TTN: variants seen among roughly 807,000 people sequenced by gnomAD.
The protein encoded by TTN is connectin.
A neutral mutation model predicts 3,223.0 loss-of-function variants in TTN; 1,525 were observed. That is an observed-to-expected ratio of 0.47 (90% CI 0.45 to 0.49). The LOEUF (loss-of-function observed/expected upper bound fraction) is 0.49, where lower values mean the gene tolerates loss of function less well. Among genes scored for constraint, TTN ranks in the 20% least tolerant of loss-of-function variants. The pLI, the probability that TTN is intolerant of heterozygous loss-of-function variation, is 0.00. For synonymous variants in TTN, 14,094 were observed against 15,161.0 expected (o/e 0.93, Z 5.17); for missense variants, 40,786 against 43,424.0 (o/e 0.94, Z 5.40).
intron 46 of TTN, among the ~76,000 whole-genome samples, chr2:178,755,413 T>C (rs1465611414): frequency 1.3e-5 from 2 of 152,098 alleles, no homozygotes; most frequent in Non-Finnish European, 2.9e-5. Flanking sequence ...AGCTTTGTTA[T>C]TTTCAGTGCC....
intron 264 of TTN, 23 bp downstream of exon 264, chr2:178,613,138 C>T: frequency 6.2e-7 from 1 of 1,607,016 alleles, no homozygotes; most frequent in Non-Finnish European, 8.5e-7. Context: ...TCGAAATAAC[C>T]ACAAAAATTA....
At chr2:178,536,617 G>T in intron 356 of TTN, 42 bp from the exon 357 acceptor site, 1 of 1,438,372 alleles carries the variant, frequency 7.0e-7, no homozygotes, top group Non-Finnish European at 9.2e-7. Flanking sequence ...GATGAAACAG[G>T]CAGCTTTATT....
intron 41 of TTN, among the ~76,000 whole-genome samples, chr2:178,765,022 G>A (rs1327362348): frequency 6.6e-6 from 1 of 152,188 alleles, no homozygotes; most frequent in Non-Finnish European, 1.5e-5. Flanking sequence ...AGAGGGAATA[G>A]CTTCAGAAAG....
rs1371891927 is a variant in TTN, at chr2:178,530,313, G to C, written c.106302C>G (p.Asp35434Glu). The C allele has an allele frequency of 6.2e-7, 1 of 1,613,774 alleles. No homozygotes were observed. The highest frequency in any genetic ancestry group is 1.3e-5 in the African/African-American group (1 of 74,916). ...CCTTAACTGCAAATTTAGCAACACTGTCTGAAGAAACAGTTGTATCCTGCA... is the reference window on the plus strand; with the variant it reads ...CCTTAACTGCAAATTTAGCAACACTCTCTGAAGAAACAGTTGTATCCTGCA... ...TGLQDTTVSS[D>E]SVAKFAVKAT... The change falls in exon 358 of 363, where the codon GAC becomes GAG. Residue 35434 changes from aspartate to glutamate, a missense_variant. Coordinates refer to ENST00000589042, the MANE Select transcript of TTN (RefSeq NM_001267550.2).
intron 350 of TTN, among the ~76,000 whole-genome samples, chr2:178,540,719 C>T (rs1694013406): frequency 6.6e-6 from 1 of 152,068 alleles, no homozygotes; most frequent in Non-Finnish European, 1.5e-5. Context: ...TTGCTTGAAC[C>T]TGGGAGACAG....
chr2:178,704,990 C>A, intron 103 of TTN, 24 bp from the exon 104 acceptor site: 2 of 1,609,600 alleles, frequency 1.2e-6, no homozygotes. Flanking sequence ...AAATGATAGG[C>A]ATTACAGATG....
intron 47 of TTN, among the ~76,000 whole-genome samples, chr2:178,752,312 C>T (rs1185165751): frequency 6.6e-6 from 1 of 151,972 alleles, no homozygotes; most frequent in African/African-American, 2.4e-5. Context: ...ATAACATGTT[C>T]CTGTGCATAT....
rs764821435 is a variant in TTN, at chr2:178,534,618, C to G, written c.101997G>C (p.Trp33999Cys). ...GCACATATACCAGTGTTCCAAGTGACCACATGTCTGTGGCTGTGCTGACAA... is the reference window on the plus strand; with the variant it reads ...GCACATATACCAGTGTTCCAAGTGAGCACATGTCTGTGGCTGTGCTGACAA... ...HDVVSTATDM[W>C]SLGTLVYVLL... Residue 33999 changes from tryptophan to cysteine, a missense_variant, in exon 358 of 363, where the codon TGG (tryptophan) becomes TGC (cysteine). Coordinates refer to ENST00000589042, the MANE Select transcript of TTN (RefSeq NM_001267550.2). 1.9e-6 allele frequency: 3 copies of G among 1,613,746 alleles called. No homozygotes were observed. Among genetic ancestry groups the G allele is most frequent in the Non-Finnish European group, 2.5e-6 (3 of 1,179,698 alleles).
chr2:178,779,616 A>G (rs1460514410), intron 22 of TTN, among the ~76,000 whole-genome samples, 154 bp from the exon 23 acceptor site: 1 of 152,208 alleles, frequency 6.6e-6, no homozygotes, highest in African/African-American at 2.4e-5. Flanking sequence ...CATTATGGTC[A>G]TCTTTCCCAG....
At chr2:178,700,104 A>G (rs1428568171) in intron 111 of TTN, among the ~76,000 whole-genome samples, 1 of 152,224 alleles carries the variant, frequency 6.6e-6, no homozygotes, top group Non-Finnish European at 1.5e-5. Flanking sequence ...GTCAAAGAAC[A>G]AATCATTCAT....
rs397517641 is a variant in TTN, at chr2:178,776,732, G to A, written c.5132C>T (p.Ser1711Phe). 17 of 1,614,084 alleles carry A rather than the reference G, an allele frequency of 1.1e-5. No homozygotes were observed. The Admixed American group carries it at 1.2e-4, about 11-fold the overall frequency. Residue 1711 changes from serine to phenylalanine, a missense_variant, in exon 28 of 363, where the codon TCC becomes TTC. Coordinates refer to ENST00000589042, the MANE Select transcript of TTN (RefSeq NM_001267550.2). ...QKPFFKKKLT[S>F]LRLKRFGPAH... ...AGGCCCAAAGCGCTTAAGTCTTAAG[G>A]AAGTGAGTTTTTTCTTGAAAAATGG...
chr2:178,741,875 G>A lies in TTN; in HGVS notation c.11358C>T (p.Ser3786=), dbSNP rs746569739. Residue 3786 remains serine, a synonymous_variant, in exon 48 of 363, where the codon AGC becomes AGT. Coordinates refer to ENST00000589042, the MANE Select transcript of TTN (RefSeq NM_001267550.2). ...TTATTTTAGATAATTGAAGTTCGGC[G>A]CTATGAAGTCCTTCTTCCTCGGCAG... ...FLSAEEEGLH[S]AELQLSKINE... is the part of the protein sequence containing the mutation. 13 of 1,577,296 alleles carry A rather than the reference G, an allele frequency of 8.2e-6. No homozygotes were observed. The highest frequency in any genetic ancestry group is 4.6e-5 in the South Asian group (4 of 87,126).
At position 178,739,680 on chromosome 2, in the gene TTN, G is replaced by T; in HGVS notation, c.13553C>A (p.Pro4518His). 1 of 1,613,810 alleles carries T rather than the reference G, an allele frequency of 6.2e-7. No individual in the cohort carries two copies. Among genetic ancestry groups the T allele is most frequent in the South Asian group, 1.1e-5 (1 of 91,064 alleles). The change falls in exon 48 of 363, where the codon CCC becomes CAC. Residue 4518 changes from proline (P) to histidine (H), a missense_variant. By Grantham distance (77) the Pro-to-His change is moderately conservative. Transcript: ENST00000589042. ...DSFSGSQKVE[P>H]ITEPEVESKY... is the part of the protein sequence containing the mutation. ...AGATTCAACTTCTGGTTCAGTAATG[G>T]GTTCAACCTTCTGTGAACCTGAAAA... is the stretch of plus-strand genomic sequence containing the variant.
Position 178,604,847 on chromosome 2 carries a change from G to A in TTN, c.54242C>T (p.Ser18081Phe). 1.2e-6 allele frequency: 2 copies of A among 1,612,438 alleles called. No individual in the cohort carries two copies. The highest frequency in any genetic ancestry group is 1.7e-6 in the Non-Finnish European group (2 of 1,179,034). Residue 18081 changes from serine to phenylalanine, a missense_variant, in exon 281 of 363, where the codon TCT becomes TTT. Physicochemically the swap from Ser to Phe is radical, Grantham distance 155 (BLOSUM62 -2). Transcript: ENST00000589042. ...NLAVTDIKAE[S>F]CYLTWDAPLD... ...AGGGGCATCCCATGTCAAGTAGCAA[G>A]ATTCAGCTTTAATGTCAGTAACAGC... is the stretch of plus-strand genomic sequence containing the variant.
chr2:178,541,263 T>C lies in TTN; in HGVS notation c.97795+19A>G, dbSNP rs1694382283. On this transcript the variant is annotated intron_variant, in intron 350 of 362. Coordinates refer to ENST00000589042, the MANE Select transcript of TTN (RefSeq NM_001267550.2). ...TAAATTGTAACTCAATCAATTTGACTGATACAAAATGTCCTTACCAATTGG... is the reference window on the plus strand; with the variant it reads ...TAAATTGTAACTCAATCAATTTGACCGATACAAAATGTCCTTACCAATTGG... 2 of 1,460,094 alleles carry C rather than the reference T, an allele frequency of 1.4e-6. No homozygotes were observed. Among genetic ancestry groups the C allele is most frequent in the South Asian group, 1.5e-5 (1 of 66,226 alleles). The allele number at this position is 1,460,094 out of a possible 1,614,324, so 90.4% of individuals were successfully genotyped here.
In TTN at chr2:178,588,916, T is replaced by C; in HGVS notation, c.62809A>G (p.Arg20937Gly). The change falls in exon 304 of 363, where the codon AGA becomes GGA. Residue 20937 changes from arginine to glycine, a missense_variant. By Grantham distance (125) the Arg-to-Gly change is moderately radical. Transcript: ENST00000589042. ...RLIEGNEYIF[R>G]VRAENKIGTG... Reference sequence around the variant, plus strand: ...CCTATTTTATTTTCTGCACGGACTCTGAAAATATATTCATTTCCTTCTATG... The same window carrying C: ...CCTATTTTATTTTCTGCACGGACTCCGAAAATATATTCATTTCCTTCTATG... 1 of 1,613,020 alleles carries C rather than the reference T, an allele frequency of 6.2e-7. No homozygotes were observed. The highest frequency in any genetic ancestry group is 2.2e-5 in the East Asian group (1 of 44,618).
chr2:178,578,116 A>G lies in TTN; in HGVS notation c.68399T>C (p.Met22800Thr), dbSNP rs751870146. ...WKRANKTPIR[M>T]RDFKVTGLTE... ...TAATCCTGTCACTTTAAAGTCTCTC[A>G]TCCTTATCGGAGTCTTGTTAGCTCT... Residue 22800 changes from methionine (M) to threonine (T), a missense_variant, in exon 322 of 363, where the codon ATG becomes ACG. Physicochemically the swap from Met to Thr is moderately conservative, Grantham distance 81 (BLOSUM62 -1). Coordinates refer to ENST00000589042, the MANE Select transcript of TTN (RefSeq NM_001267550.2). 3 of 1,612,836 alleles carry G rather than the reference A, an allele frequency of 1.9e-6. No individual in the cohort carries two copies. Among genetic ancestry groups the G allele is most frequent in the East Asian group, 4.5e-5 (2 of 44,798 alleles).
In TTN at chr2:178,561,073, C is replaced by G; in HGVS notation, c.85059G>C (p.Glu28353Asp). 6.2e-7 allele frequency: 1 copy of G among 1,613,826 alleles called. No individual in the cohort carries two copies. Among genetic ancestry groups the G allele is most frequent in the Non-Finnish European group, 8.5e-7 (1 of 1,179,786 alleles). Residue 28353 changes from glutamate to aspartate, a missense_variant, in exon 326 of 363, where the codon GAG (glutamate) becomes GAC (aspartate). Glu to Asp is a conservative substitution (Grantham distance 45). Transcript: ENST00000589042. ...TGPIIVKDDV[E>D]PPRVMMDVKF... ...TGACATCCATCATAACTCTTGGAGGCTCAACATCATCTTTAACTATAATAG... is the reference window on the plus strand; with the variant it reads ...TGACATCCATCATAACTCTTGGAGGGTCAACATCATCTTTAACTATAATAG...
chr2:178,551,796 G>T lies in TTN; in HGVS notation c.91104C>A (p.Ser30368Arg), dbSNP rs1377525148. ...GFHVEKKERN[S>R]ILWQKVNTSP... Reference sequence around the variant, plus strand: ...ATGTATTAACTTTTTGCCAGAGGATGCTATTTCTTTCTTTCTTTTCAACAT... The same window carrying T: ...ATGTATTAACTTTTTGCCAGAGGATTCTATTTCTTTCTTTCTTTTCAACAT... Residue 30368 changes from serine to arginine, a missense_variant, in exon 335 of 363, where the codon AGC becomes AGA. Physicochemically the swap from Ser to Arg is moderately radical, Grantham distance 110 (BLOSUM62 -1). Coordinates refer to ENST00000589042, the MANE Select transcript of TTN (RefSeq NM_001267550.2). 6.2e-7 allele frequency: 1 copy of T among 1,613,814 alleles called. No individual in the cohort carries two copies. Among genetic ancestry groups the T allele is most frequent in the East Asian group, 2.2e-5 (1 of 44,866 alleles).
Sources: gnomAD v4.1 joint callset for allele counts (sites outside exome capture counted in the v4.1 genomes callset) on GRCh38, gnomAD v4.1.1 for gene constraint, MANE v1.5 for transcripts, NCBI Gene and HGNC (gene_info 2026-07-23, HGNC 2026-07-21) for gene names.